CNTN5: variants seen among roughly 807,000 people sequenced by gnomAD.
The protein encoded by CNTN5 is contactin-5.
A neutral mutation model predicts 129.1 loss-of-function variants in CNTN5; 77 were observed. The ratio of observed to expected loss-of-function variants is 0.60; its 90% CI spans 0.50 to 0.72. The LOEUF (loss-of-function observed/expected upper bound fraction) is 0.72. CNTN5 is among the 30% of genes least tolerant of loss of function. The pLI is 0.00. For synonymous variants in CNTN5, 509 were observed against 465.6 expected, an observed-to-expected ratio of 1.09 and a Z score of -1.20; for missense variants, 1,478 against 1,328.8, an observed-to-expected ratio of 1.11 and a Z score of -1.75.
intron 9 of CNTN5, among the ~76,000 whole-genome samples, chr11:100,003,195 A>C (rs1159381411): frequency 6.6e-6 from 1 of 152,190 alleles, no homozygotes; most frequent in African/African-American, 2.4e-5. Flanking sequence ...AATAGACTAT[A>C]AGCAAAATGA....
At chr11:100,038,312 A>T (rs1404139598) in intron 9 of CNTN5, among the ~76,000 whole-genome samples, 1 of 152,088 alleles carries the variant, frequency 6.6e-6, no homozygotes, top group Non-Finnish European at 1.5e-5. Context: ...TTCTAGTTTG[A>T]TTGCACTATG....
At chr11:100,355,412 G>A (rs1053442418) in intron 24 of CNTN5, among the ~76,000 whole-genome samples, 3 of 151,692 alleles carry the variant, frequency 2.0e-5, no homozygotes, top group African/African-American at 7.2e-5. Flanking sequence ...TGAAGGACAT[G>A]CCTGAAGTTG....
At chr11:99,865,356 A>T (rs1053084454) in intron 6 of CNTN5, among the ~76,000 whole-genome samples, 2 of 152,124 alleles carry the variant, frequency 1.3e-5, no homozygotes, top group Non-Finnish European at 2.9e-5. Context: ...AACAAAAAAA[A>T]TGCCAGGAAT....
intron 1 of CNTN5, among the ~76,000 whole-genome samples, chr11:99,076,819 A>G (rs774853120): frequency 2.5e-4 from 38 of 152,220 alleles, no homozygotes; most frequent in Non-Finnish European, 4.0e-4. Context: ...GATTAAAGGA[A>G]AGAGAAATCT....
At chr11:100,166,091 C>A (rs1947625030) in intron 13 of CNTN5, among the ~76,000 whole-genome samples, 1 of 151,702 alleles carries the variant, frequency 6.6e-6, no homozygotes, top group Non-Finnish European at 1.5e-5. Flanking sequence ...AGAAGCAAAT[C>A]AAAAGTACCA....
chr11:99,870,641 T>C (rs1448613758), intron 6 of CNTN5, among the ~76,000 whole-genome samples: 1 of 152,072 alleles, frequency 6.6e-6, no homozygotes, highest in Admixed American at 6.6e-5. Flanking sequence ...GGTCAGAAAA[T>C]TAAATTTACA....
intron 1 of CNTN5, among the ~76,000 whole-genome samples, chr11:99,253,825 A>G (rs1445292550): frequency 1.3e-5 from 2 of 150,578 alleles, no homozygotes; most frequent in Admixed American, 6.7e-5. Flanking sequence ...TATAAAACTC[A>G]TTAACTATAA....
At chr11:100,291,770 TAAATAAATAAATAAATAAAA>T (rs925482310) in intron 18 of CNTN5, among the ~76,000 whole-genome samples, 23 of 126,682 alleles carry the variant, frequency 1.8e-4, no homozygotes, top group Non-Finnish European at 2.5e-4. Context: ...AATAAATAAA[TAAATAAATAAATAAATAAAA>T]AATATAAATA....
At chr11:99,393,723 AT>A (rs1451366205) in intron 2 of CNTN5, among the ~76,000 whole-genome samples, 1 of 151,676 alleles carries the variant, frequency 6.6e-6, no homozygotes, top group Non-Finnish European at 1.5e-5. Flanking sequence ...CCAGAATTCC[AT>A]TTTTGTAAAA....
At chr11:100,285,358 T>TC (rs1201185741) in intron 18 of CNTN5, among the ~76,000 whole-genome samples, 1 of 152,148 alleles carries the variant, frequency 6.6e-6, no homozygotes, top group East Asian at 1.9e-4. Flanking sequence ...CAGCCAGCGT[T>TC]CCATCATGCC....
At chr11:99,940,837 T>C (rs1950418586) in intron 7 of CNTN5, among the ~76,000 whole-genome samples, 1 of 152,074 alleles carries the variant, frequency 6.6e-6, no homozygotes, top group Non-Finnish European at 1.5e-5. Context: ...AATTTCCTTG[T>C]AATTAAAGGA....
intron 21 of CNTN5, among the ~76,000 whole-genome samples, chr11:100,322,330 T>C (rs488903): frequency 0.5 from 75,332 of 151,768 alleles, 21,771 homozygotes; most frequent in East Asian, 0.94. Context: ...TCACGCCATT[T>C]TCCTGCCTCA....
At chr11:99,806,844 A>T (rs1051168993) in intron 3 of CNTN5, among the ~76,000 whole-genome samples, 5 of 147,202 alleles carry the variant, frequency 3.4e-5, no homozygotes, top group African/African-American at 1.3e-4. Context: ...GATACATTAG[A>T]TACATAAATA....
At chr11:99,508,259 T>A (rs534063986) in intron 2 of CNTN5, among the ~76,000 whole-genome samples, 3 of 152,328 alleles carry the variant, frequency 2.0e-5, no homozygotes, top group Non-Finnish European at 4.4e-5. Context: ...TTAATTTGTA[T>A]AAAATACCTA....
chr11:99,819,655 GC>G lies in CNTN5; in HGVS notation c.170del (p.Pro57LeufsTer3), dbSNP rs1308438865. The G allele has an allele frequency of 2.5e-6, 4 of 1,612,890 alleles. No homozygotes were observed. Among genetic ancestry groups the G allele is most frequent in the Non-Finnish European group, 3.4e-6 (4 of 1,179,834 alleles). ...TCCAAAACCAGACCACGATACAGCA[GC>G]CCTTCATTAGGAACACTGAGTGCTT... ...FGSKTRPRYS[S>X]PSLGTLSASS... On this transcript the variant is annotated frameshift_variant, in exon 4 of 25. Transcript: ENST00000524871. LOFTEE classifies it high-confidence loss of function.
In CNTN5 at chr11:99,780,711, C is replaced by T. The variant is rs558401201; in HGVS notation, c.56-38833C>T. Among the ~76,000 whole-genome samples the T allele has an allele frequency of 3.3e-5, 5 of 152,098 alleles. No homozygotes were observed. The East Asian group carries it at 9.8e-4, about 30-fold the overall frequency. ...TAAAAATACTTCAAAGTGTTTAATCCTTACCTTCAAATCTAGAGTAAAATT... is the reference window on the plus strand; with the variant it reads ...TAAAAATACTTCAAAGTGTTTAATCTTTACCTTCAAATCTAGAGTAAAATT... On this transcript the variant is annotated intron_variant, in intron 3 of 24. Transcript: ENST00000524871.
At chr11:99,895,241 G>A (rs1949175257) in intron 6 of CNTN5, among the ~76,000 whole-genome samples, 1 of 152,202 alleles carries the variant, frequency 6.6e-6, no homozygotes, top group South Asian at 2.1e-4. Flanking sequence ...ATAAATGTCT[G>A]CTAGACCTGG....
chr11:99,148,773 A>G (rs1215769153), intron 1 of CNTN5, among the ~76,000 whole-genome samples: 1 of 152,128 alleles, frequency 6.6e-6, no homozygotes, highest in Non-Finnish European at 1.5e-5. Context: ...CTATGTAGCC[A>G]TCTTTTTTTA....
At position 100,358,560 on chromosome 11, in the gene CNTN5, G is replaced by A. The variant is rs1393120950; in HGVS notation, c.*2340G>A. The A allele has an allele frequency of 6.6e-6, 1 of 151,774 alleles. No individual in the cohort carries two copies. The highest frequency in any genetic ancestry group is 1.5e-5 in the Non-Finnish European group (1 of 67,808). 9.4% of individuals were successfully genotyped at this position (151,774 alleles called of 1,614,324 possible). A position where few individuals can be genotyped will look rare whatever the true frequency, so the allele number is the denominator to read the frequency against. On this transcript the variant is annotated 3_prime_UTR_variant, in exon 25 of 25. Transcript: ENST00000524871. ...TCTTATCAAGGTACATTATTTTTCAGCTACAGTACTGAGTTTTTTCTGCTA... is the reference window on the plus strand; with the variant it reads ...TCTTATCAAGGTACATTATTTTTCAACTACAGTACTGAGTTTTTTCTGCTA...
Sources: gnomAD v4.1 joint callset for allele counts (sites outside exome capture counted in the v4.1 genomes callset) on GRCh38, gnomAD v4.1.1 for gene constraint, MANE v1.5 for transcripts, NCBI Gene and HGNC (gene_info 2026-07-23, HGNC 2026-07-21) for gene names.